Variants in CPA1 observed in about 807,000 individuals in gnomAD.
CPA1 encodes carboxypeptidase A1.
CPA1 carries 42 observed loss-of-function variants against 48.7 expected under a neutral mutation model. That is an observed-to-expected ratio of 0.86 (90% CI 0.67 to 1.11). CPA1 has a LOEUF of 1.11. CPA1 is among the 50% of genes most tolerant of loss of function. The pLI is 0.00. For missense variants in CPA1, 477 were observed against 544.7 expected (o/e 0.88, Z 1.24); for synonymous variants, 203 against 217.9 (o/e 0.93, Z 0.60).
chr7:130,386,540 A>G (rs1796479740), intron 9 of CPA1, among the ~76,000 whole-genome samples: 1 of 152,090 alleles, frequency 6.6e-6, no homozygotes, highest in East Asian at 1.9e-4. Flanking sequence ...TCAAAAAAAC[A>G]AAAACAAAAA....
chr7:130,381,557 G>A, intron 2 of CPA1, 73 bp from the exon 3 acceptor site: 1 of 1,148,214 alleles, frequency 8.7e-7, no homozygotes, highest in Non-Finnish European at 1.3e-6. Context: ...TCCCACGCAG[G>A]CCCTGTCCCT....
Position 130,387,746 on chromosome 7 carries a change from G to A in CPA1, c.1073-78G>A. ...GCACAAGGCACAGAGCTTTGGACAG[G>A]GTTGGATCGTTAACCCAACCCGTGT... On this transcript the variant is annotated intron_variant, in intron 9 of 9. Transcript: ENST00000011292. The surrounding 1 kb of genome is among the most constrained non-coding windows in gnomAD (Gnocchi z 4.6). 1 of 1,315,418 alleles carries A rather than the reference G, an allele frequency of 7.6e-7. No individual in the cohort carries two copies. Among genetic ancestry groups the A allele is most frequent in the African/African-American group, 1.5e-5 (1 of 68,846 alleles). The allele number at this position is 1,315,418 out of a possible 1,614,324, so 81.5% of individuals were successfully genotyped here.
intron 6 of CPA1, chr7:130,384,223 G>A (rs1046897892): frequency 2.1e-6 from 1 of 475,790 alleles, no homozygotes; most frequent in South Asian, 2.7e-5. Flanking sequence ...AGTGGTGGTG[G>A]AGGACACCTC....
In CPA1 at chr7:130,385,189, C is replaced by T. The variant is rs1554411812; in HGVS notation, c.831C>T (p.Gly277=). 6.2e-7 allele frequency: 1 copy of T among 1,614,232 alleles called. No homozygotes were observed. Among genetic ancestry groups the T allele is most frequent in the Admixed American group, 1.7e-5 (1 of 60,034 alleles). The change falls in exon 8 of 10, where the codon GGC becomes GGT. Residue 277 remains glycine (G), a synonymous_variant. Transcript: ENST00000011292. ...ACCCCTGCTCGGAGACTTACCACGG[C>T]AAGTTTGCCAATTCCGAAGTGGAGG... ...SSNPCSETYH[G]KFANSEVEVK...
chr7:130,380,691 G>T, intron 1 of CPA1, 106 bp downstream of exon 1: 1 of 666,834 alleles, frequency 1.5e-6, no homozygotes. Flanking sequence ...CACAGCCAGA[G>T]AGGATGGCCT....
intron 7 of CPA1, 92 bp from the exon 8 acceptor site, chr7:130,385,054 C>T: frequency 7.7e-7 from 1 of 1,302,564 alleles, no homozygotes; most frequent in African/African-American, 1.5e-5. Flanking sequence ...CCCTTCCATA[C>T]CACCTCACCC....
rs374570775 is a variant in CPA1, at chr7:130,381,661, G to C, written c.179G>C (p.Gly60Ala). The change falls in exon 3 of 10, where the codon GGC becomes GCC. Residue 60 changes from glycine to alanine, a missense_variant. Coordinates refer to ENST00000011292, the MANE Select transcript of CPA1 (RefSeq NM_001868.4). ...TTCTGGCGGGGGCCTGCCCACCCTG[G>C]CTCCCCCATCGACGTCCGAGTGCCC... ...LDFWRGPAHP[G>A]SPIDVRVPFP... 12 of 1,613,914 alleles carry C rather than the reference G, an allele frequency of 7.4e-6. No homozygotes were observed. Among genetic ancestry groups the C allele is most frequent in the Non-Finnish European group, 1.0e-5 (12 of 1,179,962 alleles).
intron 8 of CPA1, 67 bp from the exon 9 acceptor site, chr7:130,385,772 A>C: frequency 6.0e-6 from 8 of 1,341,376 alleles, no homozygotes; most frequent in African/African-American, 1.4e-5. Context: ...CAGCCCCCAG[A>C]CTACCCTGGA....
chr7:130,385,199 A>C lies in CPA1; in HGVS notation c.841A>C (p.Asn281His). Residue 281 changes from asparagine (N) to histidine (H), a missense_variant, in exon 8 of 10, where the codon AAT becomes CAT. Physicochemically the swap from Asn to His is moderately conservative, Grantham distance 68. Coordinates refer to ENST00000011292, the MANE Select transcript of CPA1 (RefSeq NM_001868.4). The stretch of plus-strand genomic sequence containing the variant: ...GGAGACTTACCACGGCAAGTTTGCC[A>C]ATTCCGAAGTGGAGGTCAAGTCCAT... Reference protein sequence around the residue: ...CSETYHGKFANSEVEVKSIVD... With the variant: ...CSETYHGKFAHSEVEVKSIVD... 1 of 1,614,246 alleles carries C rather than the reference A, an allele frequency of 6.2e-7. No individual in the cohort carries two copies. Among genetic ancestry groups the C allele is most frequent in the South Asian group, 1.1e-5 (1 of 91,088 alleles).
At chr7:130,383,537 G>A (rs1554411518) in intron 5 of CPA1, 45 bp downstream of exon 5, 2 of 1,548,152 alleles carry the variant, frequency 1.3e-6, no homozygotes, top group South Asian at 1.1e-5. Flanking sequence ...GTGGGGCATT[G>A]GTGTCCAAGG....
In CPA1 at chr7:130,380,558, CT is replaced by C; in HGVS notation, c.39del (p.Val14SerfsTer17). ...GLLVLSVLLG[A>X]VFGKEDFVGH... Reference sequence around the variant, plus strand: ...CTGGTGTTGAGTGTCCTGTTGGGGGCTGTCTTTGGCAAGGAGGACTTTGTGG... The same window carrying C: ...CTGGTGTTGAGTGTCCTGTTGGGGGCGTCTTTGGCAAGGAGGACTTTGTGG... On this transcript the variant is annotated frameshift_variant, in exon 1 of 10. Coordinates refer to ENST00000011292, the MANE Select transcript of CPA1 (RefSeq NM_001868.4). LOFTEE classifies it high-confidence loss of function. 7.6e-7 allele frequency: 1 copy of C among 1,316,788 alleles called. No homozygotes were observed. The highest frequency in any genetic ancestry group is 9.8e-7 in the Non-Finnish European group (1 of 1,024,580). The allele number at this position is 1,316,788 out of a possible 1,614,324, so 81.6% of individuals were successfully genotyped here.
intron 2 of CPA1, 109 bp downstream of exon 2, chr7:130,381,288 A>C (rs919178575): frequency 1.4e-6 from 1 of 737,618 alleles, no homozygotes; most frequent in Admixed American, 2.7e-5. Context: ...ACAAGGAGAC[A>C]TGGAATTGAC....
At chr7:130,384,385 C>T in intron 6 of CPA1, 151 bp from the exon 7 acceptor site, 2 of 641,562 alleles carry the variant, frequency 3.1e-6, no homozygotes, top group South Asian at 3.7e-5. Context: ...GCTCAGCTTC[C>T]AATCAGGGCA....
At chr7:130,382,619 A>G (rs1211168768) in intron 4 of CPA1, among the ~76,000 whole-genome samples, 2 of 135,152 alleles carry the variant, frequency 1.5e-5, no homozygotes, top group Admixed American at 7.8e-5. Context: ...ACGTGCCACC[A>G]TGCCCGGGTA....
At chr7:130,384,090 C>T (rs1399449903) in intron 6 of CPA1, 3 of 475,328 alleles carry the variant, frequency 6.3e-6, no homozygotes, top group Non-Finnish European at 1.1e-5. Context: ...TCAGATATTG[C>T]AAAATATCGC....
At position 130,387,877 on chromosome 7, in the gene CPA1, T is replaced by C; in HGVS notation, c.1126T>C (p.Ser376Pro). 1 of 1,614,154 alleles carries C rather than the reference T, an allele frequency of 6.2e-7. No homozygotes were observed. Among genetic ancestry groups the C allele is most frequent in the Non-Finnish European group, 8.5e-7 (1 of 1,180,018 alleles). ...DWTYSQGIKY[S>P]FTFELRDTGR... ...GACCTACAGCCAGGGCATCAAGTAC[T>C]CCTTCACCTTCGAGCTCCGGGACAC... The change falls in exon 10 of 10, where the codon TCC (serine) becomes CCC (proline). Residue 376 changes from serine (S) to proline (P), a missense_variant. Coordinates refer to ENST00000011292, the MANE Select transcript of CPA1 (RefSeq NM_001868.4). The surrounding 1 kb of genome is among the most constrained non-coding windows in gnomAD (Gnocchi z 4.6).
chr7:130,383,606 G>T (rs1160699756), intron 5 of CPA1, 78 bp from the exon 6 acceptor site: 5 of 1,419,680 alleles, frequency 3.5e-6, no homozygotes, highest in African/African-American at 2.8e-5. Context: ...AGAGGACATG[G>T]GGAAAGGTGT....
intron 6 of CPA1, chr7:130,384,100 C>G: frequency 2.1e-6 from 1 of 466,876 alleles, no homozygotes; most frequent in Non-Finnish European, 3.9e-6. Context: ...CAAAATATCG[C>G]AGGGGAGGGT....
chr7:130,386,489 G>A (rs931810005), intron 9 of CPA1, among the ~76,000 whole-genome samples: 18 of 151,814 alleles, frequency 1.2e-4, no homozygotes, highest in Non-Finnish European at 2.4e-4. Flanking sequence ...CCAAGAGCAC[G>A]CCACTGTACT....
Sources: allele counts gnomAD v4.1 joint callset (sites outside exome capture counted in the v4.1 genomes callset), GRCh38; gene constraint gnomAD v4.1.1; non-coding constraint Gnocchi (gnomAD v3.1); transcripts MANE v1.5; gene names NCBI Gene and HGNC (gene_info 2026-07-23, HGNC 2026-07-21).